Variants in GPHN observed in about 807,000 individuals in gnomAD.
The protein encoded by GPHN is gephyrin.
In GPHN, 17 loss-of-function variants were observed where a neutral mutation model predicts 95.5. The ratio of observed to expected loss-of-function variants is 0.18; its 90% CI spans 0.12 to 0.27. The LOEUF is 0.27. Among genes scored for constraint, GPHN ranks in the 10% least tolerant of loss-of-function variants. The pLI is 1.00. For synonymous variants in GPHN, 320 were observed against 322.5 expected (o/e 0.99, Z 0.08); for missense variants, 660 against 978.1 (o/e 0.67, Z 4.34).
At chr14:66,993,461 T>A (rs1594757108) in intron 9 of GPHN, among the ~76,000 whole-genome samples, 1 of 152,348 alleles carries the variant, frequency 6.6e-6, no homozygotes, top group East Asian at 1.9e-4. Context: ...TTCTATTTAT[T>A]ACTTCATTAC....
At chr14:66,705,130 C>G (rs905951227) in intron 2 of GPHN, among the ~76,000 whole-genome samples, 12 of 152,216 alleles carry the variant, frequency 7.9e-5, no homozygotes, top group Non-Finnish European at 1.8e-4. Context: ...AGTTGAATCC[C>G]TGAATTGACC....
At chr14:66,698,453 T>C (rs1166289098) in intron 2 of GPHN, among the ~76,000 whole-genome samples, 1 of 152,222 alleles carries the variant, frequency 6.6e-6, no homozygotes, top group East Asian at 1.9e-4. Flanking sequence ...GATGTTGTCA[T>C]ACTCTTTTAA....
chr14:66,741,323 G>A (rs1266509285), intron 2 of GPHN, among the ~76,000 whole-genome samples: 1 of 152,104 alleles, frequency 6.6e-6, no homozygotes, highest in Non-Finnish European at 1.5e-5. Flanking sequence ...AATATTTATT[G>A]AATGTCTTTT....
At chr14:66,722,846 C>T (rs568372769) in intron 2 of GPHN, among the ~76,000 whole-genome samples, 38 of 152,176 alleles carry the variant, frequency 2.5e-4, no homozygotes, top group Middle Eastern at 3.2e-3. Context: ...TCCAAGATTA[C>T]TTTTCCACAA....
intron 10 of GPHN, among the ~76,000 whole-genome samples, chr14:67,043,420 A>T (rs1404656499): frequency 6.6e-6 from 1 of 152,144 alleles, no homozygotes; most frequent in Non-Finnish European, 1.5e-5. Context: ...TACCTAGTTT[A>T]TTGAGAGTTT....
At chr14:67,689,963 G>T in the GPHN span, 1 of 406,028 alleles carries the variant, frequency 2.5e-6, no homozygotes, top group Non-Finnish European at 4.6e-6. Context: ...AAAAAGTTAA[G>T]TAACTTGCTA....
chr14:66,821,504 G>T (rs111487825), intron 3 of GPHN, among the ~76,000 whole-genome samples: 1,912 of 152,266 alleles, frequency 0.013, 19 homozygotes, highest in Non-Finnish European at 0.018. Context: ...CTGAATCCTT[G>T]AGACCAGAGA....
chr14:67,002,937 A>G (rs2072340796), intron 9 of GPHN, among the ~76,000 whole-genome samples: 1 of 151,662 alleles, frequency 6.6e-6, no homozygotes, highest in Non-Finnish European at 1.5e-5. Context: ...AACAAGTATT[A>G]GCTCCACTAT....
chr14:66,773,481 G>A (rs1020777549), intron 2 of GPHN, among the ~76,000 whole-genome samples: 5 of 151,582 alleles, frequency 3.3e-5, no homozygotes, highest in African/African-American at 4.9e-5. Flanking sequence ...AGCCTCCTGA[G>A]TAGCTGGGAT....
intron 1 of GPHN, among the ~76,000 whole-genome samples, chr14:66,546,448 G>A (rs967632812): frequency 2.6e-5 from 4 of 152,192 alleles, no homozygotes; most frequent in Admixed American, 1.3e-4. Context: ...GTAGTGAGCC[G>A]AGATCACGCC....
At chr14:66,716,567 G>A (rs1343113906) in intron 2 of GPHN, among the ~76,000 whole-genome samples, 1 of 151,692 alleles carries the variant, frequency 6.6e-6, no homozygotes, top group Non-Finnish European at 1.5e-5. Context: ...TTGGTTTTTT[G>A]TTTTGTTTTG....
chr14:67,574,523 C>A, the GPHN span: 2 of 735,620 alleles, frequency 2.7e-6, no homozygotes, highest in Non-Finnish European at 4.1e-6. This position sits in a 1 kb window ranked among gnomAD's most constrained non-coding sequence, Gnocchi z 4.2. Flanking sequence ...TGGGAGCCTC[C>A]TCACAGTGAC....
At chr14:67,450,085 A>G in the GPHN span, 8 of 152,700 alleles carry the variant, frequency 5.2e-5, no homozygotes, top group East Asian at 1.1e-3. Context: ...CAAACAAACA[A>G]AACGGGAGAT....
the GPHN span, among the ~76,000 whole-genome samples, chr14:67,529,758 C>T: frequency 1.1e-3 from 165 of 152,308 alleles, no homozygotes; most frequent in African/African-American, 3.3e-3. Context: ...AGCCAAATTG[C>T]TCCCAAAGAT....
chr14:67,208,407 T>C, the GPHN span: 2 of 1,613,998 alleles, frequency 1.2e-6, no homozygotes, highest in South Asian at 1.1e-5. Flanking sequence ...GAAGAAAAGA[T>C]GCCTGATTTT....
chr14:67,057,011 G>A (rs1038957234), intron 10 of GPHN, among the ~76,000 whole-genome samples: 9 of 152,090 alleles, frequency 5.9e-5, no homozygotes. Context: ...CCCAGAACTC[G>A]TGCTGGCCCG....
the GPHN span, among the ~76,000 whole-genome samples, chr14:67,606,813 AT>A: frequency 6.6e-6 from 1 of 151,974 alleles, no homozygotes; most frequent in South Asian, 2.1e-4. Context: ...TGTCCAGCTA[AT>A]TTTTTGTATT....
the GPHN span, among the ~76,000 whole-genome samples, chr14:67,480,896 C>A: frequency 2.6e-5 from 4 of 152,158 alleles, no homozygotes; most frequent in Non-Finnish European, 4.4e-5. Flanking sequence ...CCAACCCCAG[C>A]AAGTAACTTG....
chr14:66,696,567 C>T (rs1181266580), intron 2 of GPHN, among the ~76,000 whole-genome samples: 1 of 152,176 alleles, frequency 6.6e-6, no homozygotes, highest in African/African-American at 2.4e-5. Flanking sequence ...AGCCAAAGGG[C>T]GTAGAAACCA....
Sources: gnomAD v4.1 joint callset for allele counts (sites outside exome capture counted in the v4.1 genomes callset) on GRCh38, gnomAD v4.1.1 for gene constraint, Gnocchi (gnomAD v3.1) non-coding constraint, MANE v1.5 for transcripts, NCBI Gene and HGNC (gene_info 2026-07-23, HGNC 2026-07-21) for gene names.